Variants in TRPM3 observed in about 807,000 individuals in gnomAD.
TRPM3 encodes the protein long transient receptor potential channel 3.
TRPM3 carries 77 observed loss-of-function variants against 181.2 expected under a neutral mutation model. The observed-to-expected ratio is 0.42, with a 90% CI of 0.35 to 0.51. TRPM3 has a LOEUF of 0.51. Among genes scored for constraint, TRPM3 ranks in the 20% least tolerant of loss-of-function variants. The pLI is 0.01. For missense variants in TRPM3, 1,759 were observed against 2,196.7 expected, an observed-to-expected ratio of 0.80 and a Z score of 3.98; for synonymous variants, 745 against 796.4, an observed-to-expected ratio of 0.94 and a Z score of 1.09.
intron 1 of TRPM3, among the ~76,000 whole-genome samples, chr9:71,300,715 C>T (rs2086690626): frequency 6.6e-6 from 1 of 152,052 alleles, no homozygotes; most frequent in Non-Finnish European, 1.5e-5. Flanking sequence ...CTAATAAAAG[C>T]CTTGCCAGTT....
chr9:71,356,077 C>A (rs1243370537), intron 1 of TRPM3, among the ~76,000 whole-genome samples: 1 of 152,116 alleles, frequency 6.6e-6, no homozygotes, highest in East Asian at 1.9e-4. Context: ...AGGCAATAAC[C>A]AGCAGGTGGG....
At chr9:71,080,447 G>A (rs2064125450) in intron 1 of TRPM3, among the ~76,000 whole-genome samples, 1 of 152,136 alleles carries the variant, frequency 6.6e-6, no homozygotes, top group Non-Finnish European at 1.5e-5. Context: ...ACTAAGAAGG[G>A]AAGCCTTGTT....
intron 25 of TRPM3, among the ~76,000 whole-genome samples, chr9:70,545,711 C>G (rs1409924839): frequency 6.6e-6 from 1 of 151,906 alleles, no homozygotes; most frequent in Non-Finnish European, 1.5e-5. Context: ...CCATGCCTGA[C>G]TAATTTTTGT....
intron 1 of TRPM3, among the ~76,000 whole-genome samples, chr9:71,147,214 T>C (rs929270961): frequency 6.6e-6 from 1 of 152,178 alleles, no homozygotes; most frequent in African/African-American, 2.4e-5. Context: ...ATCGAGGAGA[T>C]AGCTTCATGG....
At chr9:71,443,003 T>A (rs1412051663) in intron 1 of TRPM3, among the ~76,000 whole-genome samples, 1 of 152,222 alleles carries the variant, frequency 6.6e-6, no homozygotes, top group Non-Finnish European at 1.5e-5. Context: ...AAAACATTAA[T>A]ATCCAGAAAC....
chr9:71,290,449 T>C (rs1483814313), intron 1 of TRPM3, among the ~76,000 whole-genome samples: 2 of 152,064 alleles, frequency 1.3e-5, no homozygotes, highest in African/African-American at 4.8e-5. Context: ...GAGAAAGAAA[T>C]AGTTCCAATA....
At position 71,395,501 on chromosome 9, in the gene TRPM3, C is replaced by T. The variant is rs564643808; in HGVS notation, c.183+51152G>A. On this transcript the variant is annotated intron_variant, in intron 1 of 24. Transcript: ENST00000357533. Reference sequence around the variant, plus strand: ...GTGCTTTGTTTGAGAAGCAATGACACGTGGAGCTGCCCTGTGGAAGAGTTA... The same window carrying T: ...GTGCTTTGTTTGAGAAGCAATGACATGTGGAGCTGCCCTGTGGAAGAGTTA... Among the ~76,000 whole-genome samples the T allele has an allele frequency of 2.6e-4, 39 of 152,290 alleles. No homozygotes were observed. The South Asian group carries it at 7.9e-3, about 31-fold the overall frequency.
Position 71,215,052 on chromosome 9 carries a change from A to C in TRPM3, c.183+231601T>G, listed in dbSNP as rs552856706. On this transcript the variant is annotated intron_variant, in intron 1 of 24. Transcript: ENST00000357533. ...AAAAAACAAAAAAAAAAAAACAAAA[A>C]AAAAAAAAAACAACAACCCAAAACT... 1.4e-4 allele frequency among the ~76,000 whole-genome samples: 20 copies of C among 147,050 alleles called. 1 individual carries two copies. Among genetic ancestry groups the C allele is most frequent in the African/African-American group, 4.8e-4 (18 of 37,306 alleles).
chr9:71,344,618 C>T (rs1302003267), intron 1 of TRPM3, among the ~76,000 whole-genome samples: 1 of 152,122 alleles, frequency 6.6e-6, no homozygotes, highest in African/African-American at 2.4e-5. Flanking sequence ...AACATAAAAG[C>T]TAAGACTATA....
chr9:71,445,072 C>T (rs1431882180), intron 1 of TRPM3, among the ~76,000 whole-genome samples: 2 of 152,126 alleles, frequency 1.3e-5, no homozygotes, highest in Non-Finnish European at 2.9e-5. Context: ...GTCATGGTAC[C>T]CTCTTAGGCT....
At chr9:70,776,830 G>T (rs940954967) in intron 7 of TRPM3, among the ~76,000 whole-genome samples, 4 of 152,144 alleles carry the variant, frequency 2.6e-5, no homozygotes, top group Non-Finnish European at 4.4e-5. Context: ...ACCAAGGAAG[G>T]TATTTTTGAA....
At chr9:71,305,837 G>A (rs1022957374) in intron 1 of TRPM3, among the ~76,000 whole-genome samples, 8 of 151,962 alleles carry the variant, frequency 5.3e-5, no homozygotes, top group Non-Finnish European at 8.8e-5. Flanking sequence ...ATATCTGCTC[G>A]TTACTAGGAA....
intron 1 of TRPM3, among the ~76,000 whole-genome samples, chr9:70,976,896 T>C (rs3124646): frequency 0.7 from 106,769 of 152,002 alleles, 37,520 homozygotes; most frequent in South Asian, 0.73. Context: ...GTGCTGCCAC[T>C]GATGGACAGT....
chr9:71,279,495 T>G (rs143787251), intron 1 of TRPM3, among the ~76,000 whole-genome samples: 1 of 152,222 alleles, frequency 6.6e-6, no homozygotes, highest in African/African-American at 2.4e-5. Context: ...AATGAAACTG[T>G]ATGTTTTTAC....
intron 22 of TRPM3, among the ~76,000 whole-genome samples, chr9:70,575,659 C>T (rs1394906961): frequency 6.6e-6 from 1 of 152,160 alleles, no homozygotes; most frequent in Admixed American, 6.5e-5. Flanking sequence ...GGGCTGTGTT[C>T]TTGTGTGAGA....
intron 1 of TRPM3, among the ~76,000 whole-genome samples, chr9:71,130,992 A>G (rs193215065): frequency 4.3e-4 from 66 of 152,282 alleles, no homozygotes; most frequent in African/African-American, 1.5e-3. Flanking sequence ...ACTTTTATGA[A>G]AACACCACAA....
Position 71,420,693 on chromosome 9 carries a change from A to AAG in TRPM3, c.183+25958_183+25959dup, listed in dbSNP as rs1439986110. ...AAAGAGAGAAAGAAAGAGAAAGGGA[A>AAG]AGAGAAAGAGAGAGAAAGAAAGAGA... On this transcript the variant is annotated intron_variant, in intron 1 of 24. Coordinates refer to the TRPM3 transcript ENST00000357533. 1.9e-3 allele frequency among the ~76,000 whole-genome samples: 38 copies of AAG among 20,372 alleles called. 2 individuals are homozygous for AAG. The highest frequency in any genetic ancestry group is 3.4e-3 in the Non-Finnish European group (33 of 9,736). The allele number at this position is 20,372 out of a possible 152,430, so 13.4% of individuals were successfully genotyped here.
intron 22 of TRPM3, among the ~76,000 whole-genome samples, chr9:70,576,368 T>C (rs551683037): frequency 6.6e-6 from 1 of 152,336 alleles, no homozygotes; most frequent in East Asian, 1.9e-4. Flanking sequence ...TTGCCAATCC[T>C]GTTCTTAAAT....
chr9:70,634,664 C>G (rs1288974389), intron 12 of TRPM3, among the ~76,000 whole-genome samples: 1 of 152,114 alleles, frequency 6.6e-6, no homozygotes, highest in Admixed American at 6.5e-5. Context: ...CGATCCATAC[C>G]TACCAACATT....
Sources: gnomAD v4.1 joint callset for allele counts (sites outside exome capture counted in the v4.1 genomes callset) on GRCh38, gnomAD v4.1.1 for gene constraint, MANE v1.5 for transcripts, NCBI Gene and HGNC (gene_info 2026-07-23, HGNC 2026-07-21) for gene names.